The following USP54 variants were observed in gnomAD, a reference collection of about 807,000 sequenced individuals.
The protein encoded by USP54 is ubiquitin specific peptidase 54, also known as ubiquitin carboxyl-terminal hydrolase 54.
Under a neutral mutation model 170.5 loss-of-function variants are expected in USP54, and 87 were observed. The observed-to-expected ratio is 0.51, with a 90% CI of 0.43 to 0.61. The LOEUF is 0.61. USP54 is among the 20% of genes least tolerant of loss of function. The pLI is 0.00. For synonymous variants in USP54, 655 were observed against 742.8 expected (o/e 0.88, Z 1.92); for missense variants, 1,786 against 2,047.8 (o/e 0.87, Z 2.47).
intron 1 of USP54, among the ~76,000 whole-genome samples, chr10:73,586,006 G>T (rs112524957): frequency 0.036 from 5,456 of 151,926 alleles, 153 homozygotes; most frequent in South Asian, 0.12. Flanking sequence ...CAAGACTCCA[G>T]CTCAAAGAAA....
chr10:73,519,733 A>G (rs1459483823), intron 19 of USP54, 64 bp downstream of exon 19: 1 of 1,603,340 alleles, frequency 6.2e-7, no homozygotes. Context: ...AGCTCTTGCT[A>G]CAGAATACTC....
chr10:73,578,869 C>T (rs1362070732), intron 1 of USP54, among the ~76,000 whole-genome samples: 4 of 149,966 alleles, frequency 2.7e-5, no homozygotes, highest in African/African-American at 9.8e-5. Context: ...CAGTCCTAAA[C>T]AAAAAACCTA....
chr10:73,611,939 T>G (rs752057666), intron 1 of USP54, among the ~76,000 whole-genome samples: 6 of 151,640 alleles, frequency 4.0e-5, no homozygotes, highest in Admixed American at 6.6e-5. Flanking sequence ...TGACAACTCA[T>G]CTCTACGAAA....
At chr10:73,543,491 C>T (rs192197826) in intron 5 of USP54, among the ~76,000 whole-genome samples, 6,628 of 152,072 alleles carry the variant, frequency 0.044, 440 homozygotes, top group African/African-American at 0.14. Context: ...CTCAGCCTCC[C>T]GAGTAGCTGG....
chr10:73,611,598 C>T (rs1475174319), intron 1 of USP54: 2 of 150,806 alleles, frequency 1.3e-5, no homozygotes, highest in Non-Finnish European at 2.9e-5. Flanking sequence ...CGAGACCAGC[C>T]TGGTCGACAT....
chr10:73,559,904 A>G (rs2072404737), intron 4 of USP54, among the ~76,000 whole-genome samples: 1 of 151,134 alleles, frequency 6.6e-6, no homozygotes, highest in African/African-American at 2.4e-5. Context: ...CATCTCTACT[A>G]AAAATATATA....
At chr10:73,600,588 T>C (rs973944616) in intron 1 of USP54, among the ~76,000 whole-genome samples, 1 of 152,116 alleles carries the variant, frequency 6.6e-6, no homozygotes, top group Admixed American at 6.6e-5. Flanking sequence ...TACTTGAGGA[T>C]AGAAGGTGGA....
Position 73,505,292 on chromosome 10 carries a change from C to T in USP54, c.4170+16G>A, listed in dbSNP as rs1454466657. On this transcript the variant is annotated intron_variant, in intron 21 of 23. Transcript: ENST00000687698. ...CACCACCCCAGGCCCAGCACCTTAG[C>T]ACCTGAGGCTGCTACCTGAGAAGTA... 2.5e-6 allele frequency: 4 copies of T among 1,609,394 alleles called. No individual in the cohort carries two copies. The highest frequency in any genetic ancestry group is 1.7e-6 in the Non-Finnish European group (2 of 1,176,904).
chr10:73,588,345 T>A (rs1260244931), intron 1 of USP54, among the ~76,000 whole-genome samples: 2 of 152,116 alleles, frequency 1.3e-5, no homozygotes, highest in Non-Finnish European at 2.9e-5. Context: ...TCAGCCTCCA[T>A]CCATAGTGGC....
chr10:73,516,662 C>A lies in USP54; in HGVS notation c.3764G>T (p.Gly1255Val). 6.2e-7 allele frequency: 1 copy of A among 1,614,158 alleles called. No individual in the cohort carries two copies. The highest frequency in any genetic ancestry group is 1.1e-5 in the South Asian group (1 of 91,080). ...SKDLGSSTDL[G>V]TSLPLDSWVN... is the part of the protein sequence containing the mutation. The stretch of plus-strand genomic sequence containing the variant: ...CCAGGAATCCAAAGGCAAGGAAGTC[C>A]CCAAGTCAGTACTGCTGCCCAGATC... Residue 1255 changes from glycine to valine, a missense_variant, in exon 20 of 24, where the codon GGG becomes GTG. By Grantham distance (109) the Gly-to-Val change is moderately radical. This residue lies in a region of USP54 where 1,418 missense variants were observed against 1,569.0 expected (regional missense o/e 0.90). Transcript: ENST00000687698.
At position 73,517,536 on chromosome 10, in the gene USP54, T is replaced by C. The variant is rs1291587135; in HGVS notation, c.2890A>G (p.Ile964Val). ...KLLTSVEVDN[I>V]EPSAFHRQGL... is the part of the protein sequence containing the mutation. ...TGCCTGTGGAATGCAGAGGGTTCAA[T>C]GTTGTCTACTTCAACCGAAGTCAGA... is the stretch of plus-strand genomic sequence containing the variant. Residue 964 changes from isoleucine (I) to valine (V), a missense_variant, in exon 20 of 24, where the codon ATT (isoleucine) becomes GTT (valine). Ile to Val is a conservative substitution (Grantham distance 29). This residue lies in a region of USP54 where 1,418 missense variants were observed against 1,569.0 expected (regional missense o/e 0.90). Coordinates refer to ENST00000687698, the MANE Select transcript of USP54 (RefSeq NM_001391956.1). The C allele has an allele frequency of 9.3e-6, 15 of 1,614,214 alleles. No individual in the cohort carries two copies. Among genetic ancestry groups the C allele is most frequent in the Non-Finnish European group, 1.2e-5 (14 of 1,180,042 alleles).
rs2061242240 is a variant in USP54 at position 73,517,470 on chromosome 10, G to T, written c.2956C>A (p.His986Asn). ...KAPGWTEKNS[H>N]HSWEPLDAPE... ...GCATCCAATGGCTCCCAACTATGAT[G>T]AGAATTCTTCTCAGTCCACCCTGGT... The change falls in exon 20 of 24, where the codon CAT (histidine) becomes AAT (asparagine). Residue 986 changes from histidine to asparagine, a missense_variant. Physicochemically the swap from His to Asn is moderately conservative, Grantham distance 68 (BLOSUM62 1). Around this residue, in one of 3 missense-constraint regions of USP54, gnomAD observed 1,418 missense variants for 1,569.0 expected, o/e 0.90. Transcript: ENST00000687698. The T allele has an allele frequency of 6.2e-7, 1 of 1,614,194 alleles. No individual in the cohort carries two copies. Among genetic ancestry groups the T allele is most frequent in the African/African-American group, 1.3e-5 (1 of 75,034 alleles).
At chr10:73,500,235 A>G (rs957941242) in intron 23 of USP54, among the ~76,000 whole-genome samples, 7 of 152,060 alleles carry the variant, frequency 4.6e-5, no homozygotes, top group Non-Finnish European at 1.0e-4. Flanking sequence ...CAATTCTCCC[A>G]CTCATTCCTT....
rs970734511 is a variant in USP54, at chr10:73,571,138, A to C, written c.240+283T>G. Among the ~76,000 whole-genome samples the C allele has an allele frequency of 3.6e-3, 306 of 85,300 alleles. 1 individual carries two copies. Among genetic ancestry groups the C allele is most frequent in the East Asian group, 0.017 (36 of 2,118 alleles). The allele number at this position is 85,300 out of a possible 152,430, so 56.0% of individuals were successfully genotyped here. Reference sequence around the variant, plus strand: ...GGGTGACAGAGTGAGACTTCATCCCAAAAAAAAAAAAAAAAAAAAAAAAAA... The same window carrying C: ...GGGTGACAGAGTGAGACTTCATCCCCAAAAAAAAAAAAAAAAAAAAAAAAA... On this transcript the variant is annotated intron_variant, in intron 4 of 23. Coordinates refer to ENST00000687698, the MANE Select transcript of USP54 (RefSeq NM_001391956.1).
intron 4 of USP54, among the ~76,000 whole-genome samples, chr10:73,569,340 C>G (rs575786110): frequency 6.6e-6 from 1 of 152,224 alleles, no homozygotes; most frequent in African/African-American, 2.4e-5. Flanking sequence ...TTCAGAAAAT[C>G]AGATAAAATG....
chr10:73,601,625 T>C (rs1160887848), intron 1 of USP54, among the ~76,000 whole-genome samples: 3 of 152,166 alleles, frequency 2.0e-5, no homozygotes, highest in Admixed American at 2.0e-4. Context: ...CAGGTCTGGT[T>C]AGAAGGATGA....
In USP54 at chr10:73,517,012, C is replaced by T. The variant is rs779334601; in HGVS notation, c.3414G>A (p.Arg1138=). 18 of 1,614,112 alleles carry T rather than the reference C, an allele frequency of 1.1e-5. 2 individuals are homozygous for T. The South Asian group carries it at 1.8e-4, about 16-fold the overall frequency. Reference sequence around the variant, plus strand: ...TATCCCTCATGGAGACACCCTGCATCCTCTGGAACTGCTCAGCCAGAGAAC... The same window carrying T: ...TATCCCTCATGGAGACACCCTGCATTCTCTGGAACTGCTCAGCCAGAGAAC... ...LVRSLAEQFQ[R]MQGVSMRDST... The change falls in exon 20 of 24, where the codon AGG becomes AGA. Residue 1138 remains arginine, a synonymous_variant. Coordinates refer to ENST00000687698, the MANE Select transcript of USP54 (RefSeq NM_001391956.1).
intron 4 of USP54, among the ~76,000 whole-genome samples, chr10:73,554,127 C>T (rs59958877): frequency 0.069 from 10,450 of 152,172 alleles, 594 homozygotes; most frequent in East Asian, 0.3. Flanking sequence ...CAGGATTTCC[C>T]AGTCTTATAT....
At chr10:73,569,919 A>AAAAAAAAC (rs2074729623) in intron 4 of USP54, among the ~76,000 whole-genome samples, 1 of 131,484 alleles carries the variant, frequency 7.6e-6, no homozygotes, top group South Asian at 2.8e-4. Flanking sequence ...AAAAAAAAAA[A>AAAAAAAAC]AAAAAAAAAA....
Sources: allele counts gnomAD v4.1 joint callset (sites outside exome capture counted in the v4.1 genomes callset), GRCh38; gene constraint gnomAD v4.1.1; regional missense constraint gnomAD v4.1.1; transcripts MANE v1.5; gene names NCBI Gene and HGNC (gene_info 2026-07-23, HGNC 2026-07-21).